AK4: variants seen among roughly 807,000 people sequenced by gnomAD.
The protein encoded by AK4 is adenylate kinase 4, mitochondrial.
A neutral mutation model predicts 24.6 loss-of-function variants in AK4; 13 were observed. That is an observed-to-expected ratio of 0.53 (90% CI 0.34 to 0.84). The LOEUF is 0.84. AK4 is among the 40% of genes least tolerant of loss of function. The probability of loss-of-function intolerance (pLI) is 0.01; values close to 1 mark genes in which losing one functional copy is unlikely to be tolerated. For missense variants in AK4, 192 were observed against 288.2 expected, an observed-to-expected ratio of 0.67 and a Z score of 2.42; for synonymous variants, 88 against 107.0, an observed-to-expected ratio of 0.82 and a Z score of 1.10.
rs75303412 is a variant in AK4, at chr1:65,157,498, A to G, written c.145+8946A>G. ...AAGCAAACAAGAAGAAAATAACACAATTGGGCTGGGTGTGGTGGTTCATGT... is the reference window on the plus strand; with the variant it reads ...AAGCAAACAAGAAGAAAATAACACAGTTGGGCTGGGTGTGGTGGTTCATGT... On this transcript the variant is annotated intron_variant, in intron 1 of 4. Coordinates refer to ENST00000327299, the MANE Select transcript of AK4 (RefSeq NM_013410.4). Among the ~76,000 whole-genome samples the G allele has an allele frequency of 8.5e-3, 1,288 of 152,206 alleles. 16 individuals are homozygous for G. The highest frequency in any genetic ancestry group is 0.029 in the African/African-American group (1,224 of 41,540).
At chr1:65,154,560 G>A (rs6660780) in intron 1 of AK4, 20 of 520,796 alleles carry the variant, frequency 3.8e-5, no homozygotes, top group African/African-American at 3.7e-4. Flanking sequence ...GTTCAAACCG[G>A]CACTGTCTGA....
intron 1 of AK4, among the ~76,000 whole-genome samples, chr1:65,150,692 A>T (rs1388224772): frequency 6.6e-6 from 1 of 152,144 alleles, no homozygotes; most frequent in Non-Finnish European, 1.5e-5. Flanking sequence ...ACCCTTCTGT[A>T]TGTACCCTTT....
At chr1:65,167,872 C>T (rs1352779273) in intron 1 of AK4, among the ~76,000 whole-genome samples, 1 of 152,180 alleles carries the variant, frequency 6.6e-6, no homozygotes, top group African/African-American at 2.4e-5. Flanking sequence ...AACTGTCATC[C>T]ATTTGTCCAA....
intron 1 of AK4, among the ~76,000 whole-genome samples, chr1:65,189,767 T>C (rs1467645192): frequency 1.3e-5 from 2 of 151,844 alleles, no homozygotes; most frequent in African/African-American, 4.8e-5. Flanking sequence ...TATAGGAAAT[T>C]AATGTTTTAA....
intron 1 of AK4, among the ~76,000 whole-genome samples, chr1:65,161,132 A>C (rs544504694): frequency 6.6e-6 from 1 of 152,200 alleles, no homozygotes; most frequent in Admixed American, 6.5e-5. Context: ...GGAAGCACTG[A>C]CTTCCTCCTC....
At chr1:65,162,589 T>C (rs1650203049) in intron 1 of AK4, among the ~76,000 whole-genome samples, 1 of 151,770 alleles carries the variant, frequency 6.6e-6, no homozygotes, top group Non-Finnish European at 1.5e-5. Flanking sequence ...ACACCTGTAA[T>C]CCCAGCACTT....
intron 1 of AK4, among the ~76,000 whole-genome samples, chr1:65,152,979 A>G (rs1194573646): frequency 2.0e-5 from 3 of 152,208 alleles, no homozygotes; most frequent in Admixed American, 6.5e-5. Context: ...TAGATCATAC[A>G]GAGTCTTGGC....
At chr1:65,207,744 C>G (rs1419079473) in intron 2 of AK4, among the ~76,000 whole-genome samples, 1 of 151,986 alleles carries the variant, frequency 6.6e-6, no homozygotes. Context: ...CACCTTTGTG[C>G]CCATGTGTAT....
At chr1:65,164,777 T>C (rs71647476) in intron 1 of AK4, among the ~76,000 whole-genome samples, 1 of 152,222 alleles carries the variant, frequency 6.6e-6, no homozygotes. Context: ...TTTTCTTTTG[T>C]TGCTTATGCT....
chr1:65,176,720 G>GA (rs1283362653), intron 1 of AK4, among the ~76,000 whole-genome samples: 1 of 152,072 alleles, frequency 6.6e-6, no homozygotes, highest in African/African-American at 2.4e-5. Flanking sequence ...TGCAGATGAG[G>GA]AAACTTGAGG....
rs1649632471 is a variant in AK4, at chr1:65,148,253, T to TA, written c.-151dup. ...GCTGGGCTGAGGGGAGGGGTTGTCT[T>TA]AAAAGTCTCTCCTTCCCCCTGTAGG... is the stretch of plus-strand genomic sequence containing the variant. On this transcript the variant is annotated 5_prime_UTR_variant, in exon 1 of 5. Coordinates refer to ENST00000327299, the MANE Select transcript of AK4 (RefSeq NM_013410.4). 1.6e-6 allele frequency: 2 copies of TA among 1,257,960 alleles called. No homozygotes were observed. Among genetic ancestry groups the TA allele is most frequent in the East Asian group, 5.3e-5 (2 of 37,810 alleles). 77.9% of individuals were successfully genotyped at this position (1,257,960 alleles called of 1,614,324 possible).
At chr1:65,200,425 T>C (rs562587960) in intron 2 of AK4, among the ~76,000 whole-genome samples, 8 of 152,220 alleles carry the variant, frequency 5.3e-5, no homozygotes, top group African/African-American at 1.4e-4. Flanking sequence ...TAGGTAACAG[T>C]TTTCTAAACA....
chr1:65,188,386 C>G (rs1482383305), intron 1 of AK4, among the ~76,000 whole-genome samples: 1 of 151,716 alleles, frequency 6.6e-6, no homozygotes, highest in Non-Finnish European at 1.5e-5. Flanking sequence ...CAGTGAGACT[C>G]CATAGCAAAA....
At chr1:65,222,012 C>A (rs1007678995) in intron 3 of AK4, among the ~76,000 whole-genome samples, 14 of 152,176 alleles carry the variant, frequency 9.2e-5, no homozygotes, top group Admixed American at 6.5e-4. Context: ...GAAAGAGAAA[C>A]AGCCCTCTCT....
intron 1 of AK4, among the ~76,000 whole-genome samples, chr1:65,189,506 G>T (rs1043026341): frequency 6.6e-6 from 1 of 151,990 alleles, no homozygotes; most frequent in Non-Finnish European, 1.5e-5. Context: ...TCATACTCCC[G>T]ATCTCAGGTG....
intron 2 of AK4, among the ~76,000 whole-genome samples, chr1:65,209,574 T>C (rs1651912377): frequency 1.3e-5 from 2 of 152,234 alleles, no homozygotes; most frequent in African/African-American, 4.8e-5. Flanking sequence ...TAAAATGTGC[T>C]GGTCTGACTG....
At chr1:65,170,555 G>A (rs1251100387) in intron 1 of AK4, among the ~76,000 whole-genome samples, 1 of 152,226 alleles carries the variant, frequency 6.6e-6, no homozygotes. Flanking sequence ...CAAACAGCAC[G>A]TTTGAAACTT....
chr1:65,166,081 A>G (rs1650320076), intron 1 of AK4: 1 of 152,200 alleles, frequency 6.6e-6, no homozygotes, highest in African/African-American at 2.4e-5. Context: ...AGAGGCAGGC[A>G]TAACTCTGCC....
chr1:65,187,736 G>A (rs903044694), intron 1 of AK4, among the ~76,000 whole-genome samples: 1 of 152,200 alleles, frequency 6.6e-6, no homozygotes, highest in Admixed American at 6.5e-5. Context: ...TAATGGTGGT[G>A]GTTGTTGCTC....
Sources: allele counts gnomAD v4.1 joint callset (sites outside exome capture counted in the v4.1 genomes callset), GRCh38; gene constraint gnomAD v4.1.1; transcripts MANE v1.5; gene names NCBI Gene and HGNC (gene_info 2026-07-23, HGNC 2026-07-21).